MACROD2: variants seen among roughly 807,000 people sequenced by gnomAD.
The protein encoded by MACROD2 is ADP-ribose glycohydrolase MACROD2.
In MACROD2, 36 loss-of-function variants were observed where a neutral mutation model predicts 70.4. The ratio of observed to expected loss-of-function variants is 0.51; its 90% CI spans 0.39 to 0.68. MACROD2 has a LOEUF of 0.68. Ranked by LOEUF, MACROD2 falls within the 30% of genes least tolerant of loss-of-function variation. The pLI is 0.00. For synonymous variants in MACROD2, 172 were observed against 178.8 expected (o/e 0.96, Z 0.30); for missense variants, 496 against 538.4 (o/e 0.92, Z 0.78).
chr20:15,403,414 A>G (rs1177284121), intron 6 of MACROD2, among the ~76,000 whole-genome samples: 1 of 151,424 alleles, frequency 6.6e-6, no homozygotes, highest in East Asian at 1.9e-4. Context: ...GAGAGAGAGA[A>G]AGAGAAGAAG....
intron 8 of MACROD2, among the ~76,000 whole-genome samples, chr20:15,715,225 A>AT (rs750489205): frequency 3.3e-5 from 5 of 150,048 alleles, no homozygotes; most frequent in Non-Finnish European, 3.0e-5. Context: ...TTTTAGTGTG[A>AT]TTAAAAAAAA....
chr20:14,786,708 C>T (rs1420053873), intron 5 of MACROD2, among the ~76,000 whole-genome samples: 3 of 152,030 alleles, frequency 2.0e-5, no homozygotes, highest in Admixed American at 6.6e-5. Flanking sequence ...ATCCATAGCC[C>T]TTGGAGAGGA....
intron 10 of MACROD2, among the ~76,000 whole-genome samples, chr20:15,898,711 G>A (rs1033342646): frequency 4.6e-5 from 7 of 152,038 alleles, no homozygotes; most frequent in Non-Finnish European, 1.0e-4. Flanking sequence ...GTTACCTGGG[G>A]TTGGCAGATG....
At chr20:13,996,691 ATAT>A (rs1168865900) in intron 1 of MACROD2, among the ~76,000 whole-genome samples, 1 of 151,978 alleles carries the variant, frequency 6.6e-6, no homozygotes, top group Non-Finnish European at 1.5e-5. Flanking sequence ...CAGTTTGGTA[ATAT>A]TCTAACTTGA....
chr20:15,883,697 A>C lies in MACROD2; in HGVS notation c.728-2067A>C, dbSNP rs117320359. The stretch of plus-strand genomic sequence containing the variant: ...AGCACATATATAGGAGAAAGTTGTA[A>C]ATCTTCACTGACTTCCCATTATTTA... On this transcript the variant is annotated intron_variant, in intron 9 of 17. Transcript: ENST00000684519. 1.9e-4 allele frequency among the ~76,000 whole-genome samples: 29 copies of C among 152,254 alleles called. No homozygotes were observed. In the East Asian group the frequency reaches 5.6e-3, roughly 29 times the overall value.
chr20:15,756,214 G>A (rs2051345029), intron 8 of MACROD2, among the ~76,000 whole-genome samples: 1 of 152,160 alleles, frequency 6.6e-6, no homozygotes, highest in Admixed American at 6.5e-5. Context: ...TGTCTATGAA[G>A]AGGCACTTGG....
chr20:14,071,252 GTTTT>G (rs59052053), intron 2 of MACROD2, among the ~76,000 whole-genome samples: 71 of 63,942 alleles, frequency 1.1e-3, no homozygotes, highest in Non-Finnish European at 1.5e-3. Context: ...TTCATCTTGT[GTTTT>G]TTTTTTTTTT....
chr20:14,839,623 C>T (rs1339020352), intron 5 of MACROD2, among the ~76,000 whole-genome samples: 1 of 151,906 alleles, frequency 6.6e-6, no homozygotes, highest in African/African-American at 2.4e-5. Context: ...TGAGTATGTC[C>T]CCAGAACTGA....
chr20:15,681,782 A>G lies in MACROD2; in HGVS notation c.646-180963A>G, dbSNP rs539938879. Reference sequence around the variant, plus strand: ...ACTTCTATGTAAATTTGAATGTTACATGAGGTGTGTAATGGAATAAAAATG... The same window carrying G: ...ACTTCTATGTAAATTTGAATGTTACGTGAGGTGTGTAATGGAATAAAAATG... On this transcript the variant is annotated intron_variant, in intron 8 of 17. Coordinates refer to ENST00000684519, the MANE Select transcript of MACROD2 (RefSeq NM_001351661.2). Among the ~76,000 whole-genome samples the G allele has an allele frequency of 3.9e-5, 6 of 152,346 alleles. No individual in the cohort carries two copies. The South Asian group carries it at 6.2e-4, about 16-fold the overall frequency.
At chr20:15,339,505 G>A (rs955331271) in intron 6 of MACROD2, among the ~76,000 whole-genome samples, 5 of 151,740 alleles carry the variant, frequency 3.3e-5, no homozygotes, top group Admixed American at 2.0e-4. Context: ...CTGCTAAATC[G>A]TTTCTAGCAC....
chr20:15,237,876 C>T (rs62205164), intron 6 of MACROD2, among the ~76,000 whole-genome samples: 153 of 152,170 alleles, frequency 1.0e-3, no homozygotes, highest in Non-Finnish European at 1.7e-3. Flanking sequence ...CTTATCTGCC[C>T]GCTTGGGCAG....
intron 5 of MACROD2, among the ~76,000 whole-genome samples, chr20:15,101,634 G>A (rs967683801): frequency 2.0e-5 from 3 of 149,682 alleles, no homozygotes; most frequent in Admixed American, 1.3e-4. Context: ...CATATACACA[G>A]CATCAGCAGG....
At chr20:14,337,529 G>A (rs188692072) in intron 3 of MACROD2, 387 of 398,550 alleles carry the variant, frequency 9.7e-4, no homozygotes, top group African/African-American at 6.9e-3. Context: ...CAAAGCCCAC[G>A]GCAGCTGCAG....
At chr20:15,700,886 T>C (rs1007823082) in intron 8 of MACROD2, among the ~76,000 whole-genome samples, 4 of 152,250 alleles carry the variant, frequency 2.6e-5, no homozygotes, top group Non-Finnish European at 5.9e-5. Flanking sequence ...AAATCATTAA[T>C]TCATTCATCT....
chr20:15,678,400 C>CCT (rs2050103957), intron 8 of MACROD2, among the ~76,000 whole-genome samples: 2 of 151,348 alleles, frequency 1.3e-5, no homozygotes, highest in South Asian at 2.1e-4. Context: ...CGCTCTGTAG[C>CCT]CCAGGCTGGA....
chr20:15,114,880 AAC>A (rs2075981137), intron 5 of MACROD2, among the ~76,000 whole-genome samples: 1 of 152,138 alleles, frequency 6.6e-6, no homozygotes, highest in African/African-American at 2.4e-5. Context: ...ACATGACCCA[AAC>A]TAGGCCAATC....
At chr20:15,582,227 A>T (rs1281123712) in intron 8 of MACROD2, among the ~76,000 whole-genome samples, 2 of 152,146 alleles carry the variant, frequency 1.3e-5, no homozygotes, top group African/African-American at 4.8e-5. Context: ...GCCAGAGCCT[A>T]ACAGGGAGCC....
At chr20:15,714,415 T>C (rs1479572151) in intron 8 of MACROD2, among the ~76,000 whole-genome samples, 6 of 152,138 alleles carry the variant, frequency 3.9e-5, no homozygotes, top group African/African-American at 1.4e-4. Context: ...TTAAAAATAT[T>C]TGAAGTAGAG....
At chr20:14,376,058 T>A (rs35438476) in intron 3 of MACROD2, among the ~76,000 whole-genome samples, 24,613 of 152,182 alleles carry the variant, frequency 0.16, 2,645 homozygotes, top group Non-Finnish European at 0.23. Context: ...GAATCTGAAA[T>A]AGTATTATTT....
Sources: allele counts gnomAD v4.1 joint callset (sites outside exome capture counted in the v4.1 genomes callset), GRCh38; gene constraint gnomAD v4.1.1; transcripts MANE v1.5; gene names NCBI Gene and HGNC (gene_info 2026-07-23, HGNC 2026-07-21).